DAB1: variants seen among roughly 807,000 people sequenced by gnomAD.
DAB1 encodes the protein DAB adaptor protein 1.
In DAB1, 15 loss-of-function variants were observed where a neutral mutation model predicts 64.6. The ratio of observed to expected loss-of-function variants is 0.23; its 90% confidence interval spans 0.16 to 0.36. The LOEUF is 0.36. DAB1 is among the 10% of genes least tolerant of loss of function. The pLI, the probability that DAB1 is intolerant of heterozygous loss-of-function variation, is 1.00. For synonymous variants in DAB1, 235 were observed against 251.9 expected (o/e 0.93, Z 0.64); for missense variants, 596 against 706.7 (o/e 0.84, Z 1.78).
chr1:57,502,028 T>G (rs1219291054), intron 7 of DAB1, among the ~76,000 whole-genome samples: 1 of 151,962 alleles, frequency 6.6e-6, no homozygotes, highest in Non-Finnish European at 1.5e-5. Context: ...GGTCTTAAAA[T>G]GAAAGAAACC....
intron 3 of DAB1, among the ~76,000 whole-genome samples, chr1:58,502,180 C>T (rs1252274961): frequency 6.6e-6 from 1 of 152,272 alleles, no homozygotes; most frequent in South Asian, 2.1e-4. Flanking sequence ...TAAAAATATA[C>T]AATCTTCAAT....
chr1:57,684,017 T>A (rs1646666397), intron 6 of DAB1, among the ~76,000 whole-genome samples: 1 of 151,982 alleles, frequency 6.6e-6, no homozygotes, highest in Non-Finnish European at 1.5e-5. Flanking sequence ...GAGGAAATAA[T>A]CTCAGAGCTT....
At chr1:57,892,728 G>A (rs1417793347) in intron 5 of DAB1, among the ~76,000 whole-genome samples, 1 of 152,134 alleles carries the variant, frequency 6.6e-6, no homozygotes, top group East Asian at 1.9e-4. Context: ...TTACTTGCTA[G>A]TCTCTCATCA....
intron 7 of DAB1, among the ~76,000 whole-genome samples, chr1:57,482,186 A>C (rs1558422086): frequency 1.3e-5 from 2 of 152,124 alleles, no homozygotes; most frequent in Non-Finnish European, 2.9e-5. Context: ...AGCCACACGA[A>C]ATCTAAGTTC....
At chr1:57,356,886 T>C (rs1200112884) in intron 1 of DAB1, among the ~76,000 whole-genome samples, 1 of 151,950 alleles carries the variant, frequency 6.6e-6, no homozygotes, top group Non-Finnish European at 1.5e-5. Flanking sequence ...GAAGCAGTAC[T>C]GGGTAGTGGT....
At chr1:57,661,109 C>G (rs1422481784) in intron 6 of DAB1, among the ~76,000 whole-genome samples, 1 of 151,990 alleles carries the variant, frequency 6.6e-6, no homozygotes, top group African/African-American at 2.4e-5. Context: ...GATGAGACTT[C>G]TGGCCTTGGA....
chr1:58,119,703 G>A (rs570903888), intron 5 of DAB1, among the ~76,000 whole-genome samples: 17 of 152,258 alleles, frequency 1.1e-4, no homozygotes, highest in Admixed American at 2.0e-4. Flanking sequence ...GCCCCAGGTC[G>A]GGAGCAGAGA....
chr1:57,666,657 G>A (rs942195218), intron 6 of DAB1, among the ~76,000 whole-genome samples: 1 of 152,100 alleles, frequency 6.6e-6, no homozygotes, highest in Non-Finnish European at 1.5e-5. Context: ...TAATCAATCA[G>A]TATTGGCTCC....
intron 5 of DAB1, among the ~76,000 whole-genome samples, chr1:57,989,143 T>G (rs1170860074): frequency 6.6e-6 from 1 of 152,174 alleles, no homozygotes; most frequent in East Asian, 1.9e-4. Context: ...TCAGTTTCTC[T>G]GGATACCAAA....
At chr1:57,799,816 CTT>C (rs1189668084) in intron 6 of DAB1, among the ~76,000 whole-genome samples, 1 of 152,080 alleles carries the variant, frequency 6.6e-6, no homozygotes, top group Non-Finnish European at 1.5e-5. Context: ...CTAAAGCAAA[CTT>C]TATTGGAACA....
intron 4 of DAB1, among the ~76,000 whole-genome samples, chr1:57,129,937 C>T (rs920943798): frequency 1.3e-5 from 2 of 151,982 alleles, no homozygotes; most frequent in African/African-American, 4.8e-5. Flanking sequence ...TCCCTGAATG[C>T]CTTCCCTTTT....
intron 7 of DAB1, among the ~76,000 whole-genome samples, chr1:57,587,082 C>A (rs1645390074): frequency 6.6e-6 from 1 of 152,212 alleles, no homozygotes; most frequent in Non-Finnish European, 1.5e-5. Context: ...CAGCATCTCA[C>A]TAGGCAGCTC....
At chr1:57,179,523 G>C (rs1458000770) in intron 2 of DAB1, among the ~76,000 whole-genome samples, 1 of 152,124 alleles carries the variant, frequency 6.6e-6, no homozygotes, top group East Asian at 1.9e-4. Flanking sequence ...TTGTATATCT[G>C]TCCCTGATTT....
Position 56,997,256 on chromosome 1 carries a change from T to C in DAB1, c.*888A>G, listed in dbSNP as rs976087199. ...ATATCATTTTATTGTACTTAGAGTT[T>C]AGAGCTTCTTAAGAAATCAGATGCA... On this transcript the variant is annotated 3_prime_UTR_variant, in exon 15 of 15. Coordinates refer to ENST00000371236, the MANE Select transcript of DAB1 (RefSeq NM_001365792.1). 6.6e-6 allele frequency: 1 copy of C among 152,226 alleles called. No homozygotes were observed. Among genetic ancestry groups the C allele is most frequent in the Non-Finnish European group, 1.5e-5 (1 of 68,036 alleles). The allele number at this position is 152,226 out of a possible 1,614,324, so 9.4% of individuals were successfully genotyped here. A position where few individuals can be genotyped will look rare whatever the true frequency, so the allele number is the denominator to read the frequency against.
At chr1:57,601,559 C>T (rs1462837971) in intron 7 of DAB1, among the ~76,000 whole-genome samples, 2 of 152,070 alleles carry the variant, frequency 1.3e-5, no homozygotes, top group African/African-American at 4.8e-5. Context: ...GGAGACTGCA[C>T]TCCAGCCTGG....
chr1:57,918,067 C>CAATAAATAAATAAATAAATA (rs59397849), intron 5 of DAB1, among the ~76,000 whole-genome samples: 6 of 138,656 alleles, frequency 4.3e-5, no homozygotes, highest in East Asian at 4.3e-4. Context: ...GACTCCGTCT[C>CAATAAATAAATAAATAAATA]AATAAATAAA....
intron 1 of DAB1, among the ~76,000 whole-genome samples, chr1:57,357,662 T>C (rs1679224716): frequency 6.6e-6 from 1 of 151,900 alleles, no homozygotes; most frequent in African/African-American, 2.4e-5. Flanking sequence ...GAAAAGAGGT[T>C]TAATTGACTC....
intron 5 of DAB1, among the ~76,000 whole-genome samples, chr1:58,002,854 T>C (rs755971869): frequency 2.6e-5 from 4 of 152,228 alleles, no homozygotes; most frequent in Non-Finnish European, 5.9e-5. Context: ...AACCATTTAG[T>C]AGTCTTCTAA....
intron 4 of DAB1, among the ~76,000 whole-genome samples, chr1:58,237,290 A>G (rs887774557): frequency 1.3e-5 from 2 of 152,190 alleles, no homozygotes; most frequent in Non-Finnish European, 2.9e-5. Context: ...ACGTACGTAG[A>G]TGAAAATGCA....
Sources: allele counts gnomAD v4.1 joint callset (sites outside exome capture counted in the v4.1 genomes callset), GRCh38; gene constraint gnomAD v4.1.1; transcripts MANE v1.5; gene names NCBI Gene and HGNC (gene_info 2026-07-23, HGNC 2026-07-21).